Variants in TNFRSF19 observed in about 807,000 individuals in gnomAD.
TNFRSF19 encodes TNF receptor superfamily member 19, also known as tumor necrosis factor receptor superfamily member 19.
TNFRSF19 carries 27 observed loss-of-function variants against 46.4 expected under a neutral mutation model. The observed-to-expected ratio is 0.58, with a 90% CI of 0.43 to 0.80. The LOEUF is 0.80. TNFRSF19 is among the 30% of genes least tolerant of loss of function. The pLI is 0.00. For synonymous variants in TNFRSF19, 204 were observed against 205.0 expected, an observed-to-expected ratio of 1.00 and a Z score of 0.04; for missense variants, 511 against 530.8, an observed-to-expected ratio of 0.96 and a Z score of 0.37.
chr13:23,577,499 T>A (rs144430994), intron 1 of TNFRSF19, among the ~76,000 whole-genome samples: 68 of 152,326 alleles, frequency 4.5e-4, no homozygotes, highest in Non-Finnish European at 7.9e-4. Flanking sequence ...TGTTTTTAAC[T>A]CCTTGAAGAA....
chr13:23,613,994 C>T (rs1156350045), intron 3 of TNFRSF19, among the ~76,000 whole-genome samples: 2 of 152,196 alleles, frequency 1.3e-5, no homozygotes, highest in South Asian at 2.1e-4. Flanking sequence ...GAGACCACCC[C>T]GTAATTCTAA....
chr13:23,596,826 C>G (rs1264510979), intron 3 of TNFRSF19, among the ~76,000 whole-genome samples: 4 of 152,284 alleles, frequency 2.6e-5, no homozygotes, highest in East Asian at 1.9e-4. Flanking sequence ...ATCGCACTTA[C>G]TCTAAAATTG....
intron 1 of TNFRSF19, among the ~76,000 whole-genome samples, chr13:23,587,862 C>T (rs3794360): frequency 0.63 from 96,342 of 152,074 alleles, 30,809 homozygotes; most frequent in South Asian, 0.71. Context: ...ACATTATAAA[C>T]GCTTGGTTCA....
chr13:23,626,626 T>G, intron 4 of TNFRSF19, 81 bp from the exon 5 acceptor site: 3 of 1,330,498 alleles, frequency 2.3e-6, no homozygotes, highest in Non-Finnish European at 3.2e-6. Context: ...GAACTGGTAA[T>G]GGAGACTGCT....
intron 1 of TNFRSF19, among the ~76,000 whole-genome samples, chr13:23,574,075 A>G (rs898995085): frequency 2.6e-5 from 4 of 151,532 alleles, no homozygotes; most frequent in Non-Finnish European, 5.9e-5. Flanking sequence ...AAAAAAAAAA[A>G]AAAAAATCTA....
intron 1 of TNFRSF19, among the ~76,000 whole-genome samples, chr13:23,588,983 C>A (rs1048272747): frequency 6.6e-6 from 1 of 152,228 alleles, no homozygotes; most frequent in Admixed American, 6.5e-5. Context: ...CCCTGATAGC[C>A]GCTCAGCCTG....
chr13:23,603,293 C>T (rs1307172569), intron 3 of TNFRSF19, among the ~76,000 whole-genome samples: 1 of 152,052 alleles, frequency 6.6e-6, no homozygotes, highest in Non-Finnish European at 1.5e-5. Flanking sequence ...AATCCACAGT[C>T]TGTATAGGCC....
chr13:23,571,110 G>T (rs1877608475), intron 1 of TNFRSF19, among the ~76,000 whole-genome samples: 1 of 152,176 alleles, frequency 6.6e-6, no homozygotes, highest in Admixed American at 6.5e-5. Flanking sequence ...TGTACAAACA[G>T]GACAAAACAG....
At chr13:23,628,764 C>T (rs962192416) in intron 5 of TNFRSF19, among the ~76,000 whole-genome samples, 2 of 151,774 alleles carry the variant, frequency 1.3e-5, no homozygotes, top group African/African-American at 4.8e-5. Context: ...AGAAAATTAA[C>T]CAGTATATAT....
At chr13:23,605,717 C>T (rs1880465963) in intron 3 of TNFRSF19, among the ~76,000 whole-genome samples, 1 of 152,134 alleles carries the variant, frequency 6.6e-6, no homozygotes. Context: ...GAAAAGTCTG[C>T]TTCCTGTATG....
chr13:23,611,978 C>G (rs543983641), intron 3 of TNFRSF19, among the ~76,000 whole-genome samples: 2 of 152,122 alleles, frequency 1.3e-5, no homozygotes, highest in Admixed American at 6.5e-5. Context: ...CATGCACTCA[C>G]GCTAGGAGGA....
intron 5 of TNFRSF19, among the ~76,000 whole-genome samples, chr13:23,642,006 T>C (rs1167425350): frequency 2.6e-5 from 4 of 152,240 alleles, no homozygotes; most frequent in African/African-American, 7.2e-5. Flanking sequence ...TACTGAATAC[T>C]GTATCATACA....
intron 3 of TNFRSF19, among the ~76,000 whole-genome samples, chr13:23,614,556 T>A (rs906613351): frequency 3.9e-5 from 6 of 152,114 alleles, no homozygotes; most frequent in Non-Finnish European, 8.8e-5. Context: ...AAGCCTTTCT[T>A]CCTCTGCAGC....
intron 1 of TNFRSF19, among the ~76,000 whole-genome samples, chr13:23,584,694 A>C (rs1445236479): frequency 6.6e-6 from 1 of 151,762 alleles, no homozygotes; most frequent in African/African-American, 2.4e-5. Flanking sequence ...AGAATTGGAG[A>C]TACTGTATTT....
chr13:23,668,024 A>T lies in TNFRSF19; in HGVS notation c.781A>T (p.Ser261Cys), dbSNP rs1472212869. The T allele has an allele frequency of 1.9e-6, 3 of 1,610,698 alleles. No individual in the cohort carries two copies. Among genetic ancestry groups the T allele is most frequent in the Non-Finnish European group, 2.5e-6 (3 of 1,178,694 alleles). The change falls in exon 8 of 10, where the codon AGC (serine) becomes TGC (cysteine). Residue 261 changes from serine (S) to cysteine (C), a missense_variant. Ser to Cys is a moderately radical substitution (Grantham distance 112, BLOSUM62 -1). Transcript: ENST00000248484. ...ATCCATGTGCTGTGAGGAGGCCTGC[A>T]GCCCCAACCCGGCGACTCTTGGTTG... ...LPSMCCEEAC[S>C]PNPATLGCGV...
chr13:23,595,766 A>G (rs1879675872), intron 3 of TNFRSF19, among the ~76,000 whole-genome samples: 1 of 152,198 alleles, frequency 6.6e-6, no homozygotes, highest in Non-Finnish European at 1.5e-5. Context: ...AGAACACCAC[A>G]AAGATACTCC....
intron 5 of TNFRSF19, among the ~76,000 whole-genome samples, chr13:23,656,979 A>G (rs193297550): frequency 3.3e-5 from 5 of 152,160 alleles, no homozygotes; most frequent in African/African-American, 1.2e-4. Flanking sequence ...AATTTTTTTT[A>G]GCTTGCTGTA....
At chr13:23,613,966 T>C (rs1881076588) in intron 3 of TNFRSF19, among the ~76,000 whole-genome samples, 1 of 152,248 alleles carries the variant, frequency 6.6e-6, no homozygotes, top group African/African-American at 2.4e-5. Flanking sequence ...AATTACATTT[T>C]GCAGAACTGT....
intron 5 of TNFRSF19, among the ~76,000 whole-genome samples, chr13:23,648,096 T>C (rs1883433580): frequency 6.6e-6 from 1 of 152,180 alleles, no homozygotes; most frequent in Admixed American, 6.5e-5. Flanking sequence ...CATATGAATT[T>C]TAGGATAGGC....
Sources: allele counts gnomAD v4.1 joint callset (sites outside exome capture counted in the v4.1 genomes callset), GRCh38; gene constraint gnomAD v4.1.1; transcripts MANE v1.5; gene names NCBI Gene and HGNC (gene_info 2026-07-23, HGNC 2026-07-21).